RBFOX1: variants seen among roughly 807,000 people sequenced by gnomAD.
RBFOX1 encodes the protein RNA binding protein fox-1 homolog 1.
Under a neutral mutation model 57.7 loss-of-function variants are expected in RBFOX1, and 8 were observed. The ratio of observed to expected loss-of-function variants is 0.14; its 90% CI spans 0.08 to 0.25. The LOEUF (loss-of-function observed/expected upper bound fraction) is 0.25. Among genes scored for constraint, RBFOX1 ranks in the 10% least tolerant of loss-of-function variants. The probability of loss-of-function intolerance (pLI) is 1.00; values close to 1 mark genes in which losing one functional copy is unlikely to be tolerated. For missense variants in RBFOX1, 611 were observed against 548.5 expected (o/e 1.11, Z -1.14); for synonymous variants, 326 against 222.4 (o/e 1.47, Z -4.15).
At chr16:7,282,343 A>G (rs2095562088) in intron 4 of RBFOX1, among the ~76,000 whole-genome samples, 1 of 152,334 alleles carries the variant, frequency 6.6e-6, no homozygotes, top group Middle Eastern at 3.4e-3. Context: ...ATTGCAAGGC[A>G]CAGGGTCTTA....
chr16:5,951,959 C>G (rs1460162274), intron 4 of RBFOX1, among the ~76,000 whole-genome samples: 1 of 151,132 alleles, frequency 6.6e-6, no homozygotes, highest in Non-Finnish European at 1.5e-5. Context: ...TGCTGGTTAT[C>G]AGAGGTGGAG....
chr16:6,229,196 G>A (rs1275225509), intron 1 of RBFOX1, among the ~76,000 whole-genome samples: 2 of 151,904 alleles, frequency 1.3e-5, no homozygotes, highest in African/African-American at 4.8e-5. Context: ...AGTCTGAAAG[G>A]TCATTTGTAA....
At chr16:7,136,974 G>A (rs140493822) in intron 4 of RBFOX1, among the ~76,000 whole-genome samples, 69 of 152,308 alleles carry the variant, frequency 4.5e-4, no homozygotes, top group African/African-American at 1.6e-3. Flanking sequence ...GGATGCCCAT[G>A]CCCTGCCTCC....
rs547926364 is a variant in RBFOX1, at chr16:5,404,749, T to A, written c.220-62467T>A. 9.2e-5 allele frequency among the ~76,000 whole-genome samples: 14 copies of A among 152,264 alleles called. No homozygotes were observed. The South Asian group carries it at 2.1e-3, about 23-fold the overall frequency. ...GCTGTCTGGAGCCTGCAGGGCAAGA[T>A]CCTGTCCCATCATTTAGAAAGATGA... On this transcript the variant is annotated intron_variant, in intron 1 of 2. Coordinates refer to the RBFOX1 transcript ENST00000585867.
intron 3 of RBFOX1, among the ~76,000 whole-genome samples, chr16:6,756,209 T>C (rs73545641): frequency 0.095 from 14,504 of 152,180 alleles, 842 homozygotes; most frequent in African/African-American, 0.15. Context: ...TTAAAAATTA[T>C]ATGGATTGGG....
intron 2 of RBFOX1, among the ~76,000 whole-genome samples, chr16:6,450,530 C>G (rs934175188): frequency 6.6e-6 from 1 of 151,044 alleles, no homozygotes; most frequent in African/African-American, 2.4e-5. Context: ...TGGCCTCTAC[C>G]CAGCCAACAT....
intron 3 of RBFOX1, chr16:6,721,725 T>A (rs1421899104): frequency 6.6e-6 from 1 of 152,136 alleles, no homozygotes; most frequent in Non-Finnish European, 1.5e-5. Context: ...AATTCATTAA[T>A]GTATTTGTTT....
Position 5,510,061 on chromosome 16 carries a change from T to C in RBFOX1, c.258+42807T>C, listed in dbSNP as rs117187354. 8.7e-3 allele frequency among the ~76,000 whole-genome samples: 1,329 copies of C among 152,286 alleles called. 9 individuals carry two copies. The highest frequency in any genetic ancestry group is 0.031 in the Middle Eastern group (9 of 294). ...AGTTCTGATGCTCCTTTGCCTCCTTTGGAGAATGGGCCCACAGCGTCGAGC... is the reference window on the plus strand; with the variant it reads ...AGTTCTGATGCTCCTTTGCCTCCTTCGGAGAATGGGCCCACAGCGTCGAGC... On this transcript the variant is annotated intron_variant, in intron 2 of 2. Transcript: ENST00000585867.
chr16:7,392,962 C>T (rs913706609), intron 4 of RBFOX1, among the ~76,000 whole-genome samples: 3 of 152,124 alleles, frequency 2.0e-5, no homozygotes, highest in Non-Finnish European at 4.4e-5. Flanking sequence ...CAACCTCCGC[C>T]TCCCAGGTTC....
chr16:7,042,223 C>G (rs959579275), intron 3 of RBFOX1, among the ~76,000 whole-genome samples: 1 of 152,196 alleles, frequency 6.6e-6, no homozygotes, highest in African/African-American at 2.4e-5. Flanking sequence ...TAAACAGCAT[C>G]TTGTCAGGGC....
intron 2 of RBFOX1, among the ~76,000 whole-genome samples, chr16:6,393,901 C>A (rs1208783707): frequency 6.6e-6 from 1 of 152,118 alleles, no homozygotes; most frequent in African/African-American, 2.4e-5. Context: ...CCCAGGCAAA[C>A]TGGGAATTAT....
intron 1 of RBFOX1, among the ~76,000 whole-genome samples, chr16:5,318,589 AAAC>A (rs1397329838): frequency 5.6e-5 from 2 of 35,410 alleles, no homozygotes; most frequent in Non-Finnish European, 3.1e-4. Flanking sequence ...TATACCAAAA[AAAC>A]AAACAAAAAA....
intron 2 of RBFOX1, among the ~76,000 whole-genome samples, chr16:5,472,948 G>A (rs191282540): frequency 7.7e-4 from 117 of 152,216 alleles, no homozygotes; most frequent in Non-Finnish European, 1.2e-3. Flanking sequence ...AAGGCTTCCC[G>A]TTGTTATCAG....
intron 2 of RBFOX1, among the ~76,000 whole-genome samples, chr16:6,339,910 C>T (rs984464540): frequency 6.6e-5 from 10 of 151,988 alleles, no homozygotes; most frequent in African/African-American, 2.2e-4. Flanking sequence ...AACTCCAGAC[C>T]TCATGATCCA....
chr16:6,580,295 T>G (rs1437517169), intron 2 of RBFOX1, among the ~76,000 whole-genome samples: 1 of 152,160 alleles, frequency 6.6e-6, no homozygotes, highest in African/African-American at 2.4e-5. Flanking sequence ...TTGTTTGACT[T>G]TTTCCATCAC....
chr16:6,072,177 C>T (rs541714914), intron 1 of RBFOX1, among the ~76,000 whole-genome samples: 99 of 152,238 alleles, frequency 6.5e-4, no homozygotes, highest in African/African-American at 2.1e-3. Context: ...TTTATAACAT[C>T]ATCATCTCAT....
intron 4 of RBFOX1, among the ~76,000 whole-genome samples, chr16:5,997,000 C>G (rs370070619): frequency 1.0e-3 from 158 of 151,118 alleles, no homozygotes; most frequent in African/African-American, 3.7e-3. Context: ...TCCAAACCCA[C>G]CAGGAAGCAC....
At chr16:6,819,727 AAAAATAACAAC>A (rs2090917819) in intron 3 of RBFOX1, among the ~76,000 whole-genome samples, 1 of 106,148 alleles carries the variant, frequency 9.4e-6, no homozygotes, top group Admixed American at 1.1e-4. Context: ...AAAAAAAAAA[AAAAATAACAAC>A]ACCAAAAGGT....
intron 3 of RBFOX1, among the ~76,000 whole-genome samples, chr16:6,715,928 C>T (rs979812939): frequency 7.9e-5 from 12 of 152,210 alleles, no homozygotes; most frequent in African/African-American, 1.7e-4. Context: ...CTGCTTCTCT[C>T]TTCCTAGTAT....
Sources: gnomAD v4.1 joint callset for allele counts (sites outside exome capture counted in the v4.1 genomes callset) on GRCh38, gnomAD v4.1.1 for gene constraint, MANE v1.5 for transcripts, NCBI Gene and HGNC (gene_info 2026-07-23, HGNC 2026-07-21) for gene names.